Variants in HDAC8 observed in about 807,000 individuals in gnomAD.
HDAC8 encodes the protein histone deacetylase 8, also known as histone deacetylase-like 1.
Under a neutral mutation model 32.2 loss-of-function variants are expected in HDAC8, and 1 was observed. The ratio of observed to expected loss-of-function variants is 0.03; its 90% CI spans 0.01 to 0.15. The LOEUF (loss-of-function observed/expected upper bound fraction) is 0.15. HDAC8 is among the 10% of genes least tolerant of loss of function. HDAC8 has a pLI of 1.00. For missense variants in HDAC8, 117 were observed against 300.0 expected (o/e 0.39, Z 4.51); for synonymous variants, 108 against 113.9 (o/e 0.95, Z 0.33).
intron 4 of HDAC8, among the ~76,000 whole-genome samples, chrX:72,545,066 T>C (rs1484850975): frequency 9.0e-6 from 1 of 111,077 alleles, no homozygotes; most frequent in Non-Finnish European, 1.9e-5. Flanking sequence ...AGTTGGATCC[T>C]AGCAGTGTGA....
chrX:72,482,634 T>C (rs2048545135), intron 7 of HDAC8, among the ~76,000 whole-genome samples: 1 of 111,175 alleles, frequency 9.0e-6, no homozygotes, highest in Admixed American at 9.6e-5. Flanking sequence ...TCCCCTGAGA[T>C]AAAGTTTTCC....
In HDAC8 at chrX:72,446,642, A is replaced by G. The variant is rs147344654; in HGVS notation, c.1005+15362T>C. On this transcript the variant is annotated intron_variant, in intron 9 of 10. Transcript: ENST00000373573. ...ATGGCACGTGTATACATATGTAACT[A>G]ACTTGCACATTGTGCACATGTACCC... is the stretch of plus-strand genomic sequence containing the variant. Among the ~76,000 whole-genome samples the G allele has an allele frequency of 6.4e-3, 709 of 110,665 alleles. 5 individuals are homozygous for G. The highest frequency in any genetic ancestry group is 0.011 in the Non-Finnish European group (601 of 52,915).
intron 3 of HDAC8, among the ~76,000 whole-genome samples, chrX:72,568,378 C>A (rs1556140570): frequency 9.0e-6 from 1 of 111,697 alleles, no homozygotes; most frequent in African/African-American, 3.3e-5. Context: ...GACTATCCTG[C>A]AGGTCACTTA....
intron 9 of HDAC8, among the ~76,000 whole-genome samples, chrX:72,423,297 C>T (rs1305531012): frequency 9.0e-6 from 1 of 111,536 alleles, no homozygotes; most frequent in Admixed American, 9.5e-5. Context: ...CCAAGTCTTA[C>T]AATTACACAC....
intron 4 of HDAC8, among the ~76,000 whole-genome samples, chrX:72,519,963 G>A (rs1556027684): frequency 8.9e-6 from 1 of 112,209 alleles, no homozygotes. Flanking sequence ...TGGGTTGTCT[G>A]TCTATTATTC....
chrX:72,462,530 G>A (rs1432179376), intron 8 of HDAC8: 1 of 113,483 alleles, frequency 8.8e-6, no homozygotes, highest in Non-Finnish European at 1.8e-5. Context: ...AAAACTATTG[G>A]CAGATCTAGC....
chrX:72,477,411 C>T, intron 7 of HDAC8, among the ~76,000 whole-genome samples: 1 of 111,873 alleles, frequency 8.9e-6, no homozygotes, highest in African/African-American at 3.2e-5. Flanking sequence ...TCTTCTTTTC[C>T]AATTCAATTG....
In HDAC8 at chrX:72,449,056, G is replaced by A. The variant is rs200104279; in HGVS notation, c.1005+12948C>T. ...ACCAGAAATACCATTTGACCCAGCA[G>A]TCCCATTACTGGGTATATACCCAAA... On this transcript the variant is annotated intron_variant, in intron 9 of 10. Transcript: ENST00000373573. 2.1e-4 allele frequency among the ~76,000 whole-genome samples: 24 copies of A among 112,027 alleles called. No individual in the cohort carries two copies. In the Admixed American group the frequency reaches 2.3e-3, roughly 11 times the overall value.
At chrX:72,400,677 C>T (rs1176986947) in intron 9 of HDAC8, among the ~76,000 whole-genome samples, 3 of 112,373 alleles carry the variant, frequency 2.7e-5, no homozygotes, top group African/African-American at 9.7e-5. Context: ...GTATACAATT[C>T]AATGCCTTTT....
intron 4 of HDAC8, among the ~76,000 whole-genome samples, chrX:72,528,299 A>G (rs2050222083): frequency 8.9e-6 from 1 of 111,996 alleles, no homozygotes; most frequent in African/African-American, 3.3e-5. Context: ...TTGAATGAAC[A>G]AATGGATGAA....
intron 7 of HDAC8, among the ~76,000 whole-genome samples, chrX:72,471,546 T>C (rs781941318): frequency 6.8e-4 from 76 of 112,566 alleles, no homozygotes; most frequent in African/African-American, 2.3e-3. Context: ...ATAACCATCT[T>C]AGTGGGTGTG....
At chrX:72,452,977 T>G (rs2047610881) in intron 9 of HDAC8, among the ~76,000 whole-genome samples, 1 of 110,750 alleles carries the variant, frequency 9.0e-6, no homozygotes, top group Admixed American at 9.6e-5. Flanking sequence ...GGAGAGAAAT[T>G]AAAAATATTT....
At chrX:72,492,583 G>A (rs976752182) in intron 5 of HDAC8, among the ~76,000 whole-genome samples, 1 of 110,242 alleles carries the variant, frequency 9.1e-6, no homozygotes, top group Non-Finnish European at 1.9e-5. Context: ...GTTGGGGGGT[G>A]GGGCAGGGGT....
intron 4 of HDAC8, among the ~76,000 whole-genome samples, chrX:72,562,944 C>G (rs185729395): frequency 9.4e-6 from 1 of 105,972 alleles, no homozygotes; most frequent in Non-Finnish European, 1.9e-5. Flanking sequence ...TGCAGTGGCA[C>G]GATCTCGGCT....
intron 7 of HDAC8, among the ~76,000 whole-genome samples, chrX:72,475,454 G>A (rs1203520733): frequency 8.9e-6 from 1 of 111,889 alleles, no homozygotes; most frequent in Non-Finnish European, 1.9e-5. Context: ...CCATAGGTAT[G>A]TTTTCTCTAA....
intron 9 of HDAC8, among the ~76,000 whole-genome samples, chrX:72,371,661 T>G (rs781793263): frequency 8.9e-6 from 1 of 112,314 alleles, no homozygotes; most frequent in Non-Finnish European, 1.9e-5. Context: ...GCTAAGCCTA[T>G]AAGTTCCTGG....
chrX:72,446,574 T>A (rs1474102245), intron 9 of HDAC8, among the ~76,000 whole-genome samples: 1 of 110,505 alleles, frequency 9.0e-6, no homozygotes, highest in Non-Finnish European at 1.9e-5. Context: ...TTAGGAGATA[T>A]ACCTAATGCT....
intron 9 of HDAC8, among the ~76,000 whole-genome samples, chrX:72,456,417 A>G (rs1555989617): frequency 1.8e-5 from 2 of 112,049 alleles, no homozygotes. Flanking sequence ...AGAGAAAGGA[A>G]AAAAATGGAA....
intron 9 of HDAC8, among the ~76,000 whole-genome samples, chrX:72,415,588 T>C (rs1312150303): frequency 8.9e-6 from 1 of 111,946 alleles, no homozygotes; most frequent in Non-Finnish European, 1.9e-5. Flanking sequence ...TAGTTAGATC[T>C]TATTTGATTT....
Sources: allele counts gnomAD v4.1 joint callset (sites outside exome capture counted in the v4.1 genomes callset), GRCh38; gene constraint gnomAD v4.1.1; transcripts MANE v1.5; gene names NCBI Gene and HGNC (gene_info 2026-07-23, HGNC 2026-07-21).